Variants in SNTG1 observed in about 807,000 individuals in gnomAD.
The protein encoded by SNTG1 is syntrophin gamma 1.
SNTG1 carries 39 observed loss-of-function variants against 74.7 expected under a neutral mutation model. The observed-to-expected ratio is 0.52, with a 90% confidence interval of 0.40 to 0.68. The LOEUF is 0.68. SNTG1 is among the 30% of genes least tolerant of loss of function. The pLI is 0.00. For missense variants in SNTG1, 685 were observed against 609.5 expected, an observed-to-expected ratio of 1.12 and a Z score of -1.30; for synonymous variants, 254 against 217.1, an observed-to-expected ratio of 1.17 and a Z score of -1.49.
intron 17 of SNTG1, among the ~76,000 whole-genome samples, chr8:50,738,375 G>C (rs1201616903): frequency 1.3e-5 from 2 of 152,060 alleles, no homozygotes; most frequent in East Asian, 3.9e-4. Context: ...CCTCTTCAAA[G>C]AGAACTAGAA....
chr8:50,231,684 T>C (rs537651567), intron 2 of SNTG1, among the ~76,000 whole-genome samples: 103 of 151,398 alleles, frequency 6.8e-4, no homozygotes, highest in South Asian at 1.5e-3. Context: ...ACGTTTAGAA[T>C]AGAATAGAAA....
At chr8:49,959,841 C>T (rs1810521073) in intron 1 of SNTG1, among the ~76,000 whole-genome samples, 1 of 152,210 alleles carries the variant, frequency 6.6e-6, no homozygotes, top group Admixed American at 6.5e-5. Flanking sequence ...TCCCTATCTG[C>T]ATGGCACACT....
chr8:50,673,586 T>G (rs1252096599), intron 15 of SNTG1, among the ~76,000 whole-genome samples: 3 of 152,104 alleles, frequency 2.0e-5, no homozygotes, highest in Non-Finnish European at 4.4e-5. Context: ...GCTGGGATGA[T>G]TGGGTTTTCT....
Position 50,708,869 on chromosome 8 carries a change from C to T in SNTG1, c.1192-17C>T. The T allele has an allele frequency of 3.8e-6, 6 of 1,568,064 alleles. No individual in the cohort carries two copies. The highest frequency in any genetic ancestry group is 5.3e-6 in the Non-Finnish European group (6 of 1,139,488). On this transcript the variant is annotated splice_polypyrimidine_tract_variant and intron_variant, in intron 16 of 18. Coordinates refer to ENST00000642720, the MANE Select transcript of SNTG1 (RefSeq NM_018967.5). ...ATCAATAACATGAAAAGTAACAATA[C>T]TTTCTGTTCTACCTAGTGCAAGACC...
chr8:50,227,161 C>G (rs965417799), intron 2 of SNTG1, among the ~76,000 whole-genome samples: 5 of 152,038 alleles, frequency 3.3e-5, no homozygotes, highest in African/African-American at 1.2e-4. Flanking sequence ...ATTTGGAGAT[C>G]GACAGTCAAG....
intron 1 of SNTG1, among the ~76,000 whole-genome samples, chr8:49,946,631 G>A (rs547272968): frequency 3.9e-5 from 6 of 152,204 alleles, no homozygotes; most frequent in African/African-American, 1.4e-4. Context: ...GGAAAAGCAG[G>A]GAAGTGTATT....
At chr8:50,212,478 C>A (rs2084567900) in intron 2 of SNTG1, among the ~76,000 whole-genome samples, 1 of 152,116 alleles carries the variant, frequency 6.6e-6, no homozygotes, top group Non-Finnish European at 1.5e-5. Context: ...GAAACATTCT[C>A]TGAGCACATA....
chr8:50,194,235 A>G (rs954739196), intron 2 of SNTG1, among the ~76,000 whole-genome samples: 4 of 152,152 alleles, frequency 2.6e-5, no homozygotes, highest in African/African-American at 7.2e-5. Flanking sequence ...AATAGTGTTC[A>G]ATAAGATTGG....
chr8:50,273,574 T>G (rs754933506), intron 2 of SNTG1, among the ~76,000 whole-genome samples: 7 of 152,178 alleles, frequency 4.6e-5, no homozygotes, highest in Non-Finnish European at 1.0e-4. Context: ...TTGTTCGGTG[T>G]CATGGGTATT....
chr8:50,480,161 T>C (rs1439941064), intron 8 of SNTG1, among the ~76,000 whole-genome samples: 1 of 152,068 alleles, frequency 6.6e-6, no homozygotes, highest in Non-Finnish European at 1.5e-5. Flanking sequence ...GCTGTAACAA[T>C]CTTTAGTAAG....
At chr8:50,290,984 C>A (rs1256133788) in intron 2 of SNTG1, among the ~76,000 whole-genome samples, 1 of 152,128 alleles carries the variant, frequency 6.6e-6, no homozygotes, top group Non-Finnish European at 1.5e-5. Context: ...TCTCGATCTC[C>A]TGAACTCAAG....
chr8:50,751,493 C>G (rs73678677), intron 17 of SNTG1, among the ~76,000 whole-genome samples: 3,187 of 152,102 alleles, frequency 0.021, 98 homozygotes, highest in African/African-American at 0.069. Flanking sequence ...GAAAGAGGCT[C>G]TACTTTCCAA....
At chr8:49,994,245 T>C (rs917448557) in intron 1 of SNTG1, among the ~76,000 whole-genome samples, 4 of 141,038 alleles carry the variant, frequency 2.8e-5, no homozygotes, top group African/African-American at 1.0e-4. Context: ...AAGATTATTA[T>C]TTTTATTCTT....
At chr8:50,487,618 G>C (rs934277490) in intron 8 of SNTG1, among the ~76,000 whole-genome samples, 24 of 149,430 alleles carry the variant, frequency 1.6e-4, no homozygotes, top group African/African-American at 5.9e-4. Flanking sequence ...ATTCTCACTC[G>C]TAGGTGGGAA....
Position 50,508,417 on chromosome 8 carries a change from A to G in SNTG1, c.466+5537A>G, listed in dbSNP as rs554567799. Among the ~76,000 whole-genome samples, 199 of 152,188 alleles carry G rather than the reference A, an allele frequency of 1.3e-3. 1 individual carries two copies. The highest frequency in any genetic ancestry group is 4.6e-3 in the African/African-American group (191 of 41,486). ...TGTCTTTATAGCAGCATGACTTATA[A>G]TCCTTTGGGTATATACCCAGTAATG... On this transcript the variant is annotated intron_variant, in intron 9 of 18. Transcript: ENST00000642720.
At chr8:50,261,143 C>T (rs1308732405) in intron 2 of SNTG1, among the ~76,000 whole-genome samples, 1 of 152,004 alleles carries the variant, frequency 6.6e-6, no homozygotes, top group Non-Finnish European at 1.5e-5. Flanking sequence ...ATCAAAAAAA[C>T]ATGAAAAAGT....
At chr8:50,610,731 G>A (rs1041221916) in intron 13 of SNTG1, among the ~76,000 whole-genome samples, 1 of 152,142 alleles carries the variant, frequency 6.6e-6, no homozygotes, top group Admixed American at 6.5e-5. Context: ...ATCGACCGCT[G>A]AGAGTAGGGG....
At chr8:50,707,564 C>A (rs1053814174) in intron 16 of SNTG1, among the ~76,000 whole-genome samples, 11 of 152,026 alleles carry the variant, frequency 7.2e-5, no homozygotes, top group African/African-American at 2.7e-4. Context: ...GAAGGCAACT[C>A]GATGTATTTA....
At chr8:50,421,054 G>A (rs1489595445) in intron 4 of SNTG1, among the ~76,000 whole-genome samples, 8 of 125,952 alleles carry the variant, frequency 6.4e-5, no homozygotes, top group African/African-American at 2.0e-4. Flanking sequence ...GGCGGGGGAG[G>A]GGGGGGCGAA....
Sources: allele counts gnomAD v4.1 joint callset (sites outside exome capture counted in the v4.1 genomes callset), GRCh38; gene constraint gnomAD v4.1.1; transcripts MANE v1.5; gene names NCBI Gene and HGNC (gene_info 2026-07-23, HGNC 2026-07-21).